CCDC91: variants seen among roughly 807,000 people sequenced by gnomAD.
CCDC91 encodes coiled-coil domain-containing protein 91.
A neutral mutation model predicts 63.2 loss-of-function variants in CCDC91; 48 were observed. That is an observed-to-expected ratio of 0.76 (90% CI 0.60 to 0.97). The LOEUF (loss-of-function observed/expected upper bound fraction) is 0.97, where lower values mean the gene tolerates loss of function less well. Ranked by LOEUF, CCDC91 falls within the 50% of genes least tolerant of loss-of-function variation. The pLI is 0.00. For missense variants in CCDC91, 500 were observed against 494.6 expected (o/e 1.01, Z -0.10); for synonymous variants, 167 against 165.8 (o/e 1.01, Z -0.06).
intron 8 of CCDC91, among the ~76,000 whole-genome samples, chr12:28,416,211 G>A (rs765596253): frequency 5.7e-4 from 86 of 152,166 alleles, no homozygotes; most frequent in Admixed American, 9.8e-4. Flanking sequence ...GTCAGTAAGT[G>A]TTATATCCCC....
intron 8 of CCDC91, among the ~76,000 whole-genome samples, chr12:28,408,328 G>A (rs566836680): frequency 5.3e-5 from 8 of 152,126 alleles, no homozygotes; most frequent in South Asian, 2.1e-4. Context: ...TTGTTTTTAC[G>A]GCTGCATAGT....
chr12:28,389,493 A>G (rs1945806014), intron 7 of CCDC91, among the ~76,000 whole-genome samples: 2 of 152,140 alleles, frequency 1.3e-5, no homozygotes, highest in African/African-American at 4.8e-5. Context: ...TGACATTTCA[A>G]GGAGAATGAG....
intron 1 of CCDC91, among the ~76,000 whole-genome samples, chr12:28,200,985 G>A (rs1942217133): frequency 7.3e-6 from 1 of 137,750 alleles, no homozygotes; most frequent in African/African-American, 3.1e-5. Context: ...GGACGGGGCG[G>A]CTGGCCGGGC....
intron 6 of CCDC91, among the ~76,000 whole-genome samples, chr12:28,329,939 A>G (rs1440809924): frequency 3.9e-5 from 6 of 152,206 alleles, no homozygotes; most frequent in Non-Finnish European, 7.3e-5. Flanking sequence ...TGCAAAGGAC[A>G]TGGACTCATC....
intron 11 of CCDC91, among the ~76,000 whole-genome samples, chr12:28,452,985 C>T (rs1165051826): frequency 6.6e-6 from 1 of 151,832 alleles, no homozygotes; most frequent in Non-Finnish European, 1.5e-5. Context: ...CATAGAGACA[C>T]ATACGCACAC....
chr12:28,283,368 T>A (rs1264542352), intron 3 of CCDC91, among the ~76,000 whole-genome samples: 3 of 152,120 alleles, frequency 2.0e-5, no homozygotes, highest in Non-Finnish European at 4.4e-5. Context: ...CATTTGCTTG[T>A]ATCATCTATG....
chr12:28,247,396 C>T (rs528664879), intron 1 of CCDC91, among the ~76,000 whole-genome samples: 5 of 150,132 alleles, frequency 3.3e-5, no homozygotes, highest in East Asian at 2.0e-4. Context: ...AGGAGAATGG[C>T]GTGAACCCGG....
intron 8 of CCDC91, among the ~76,000 whole-genome samples, chr12:28,405,309 A>C (rs1946867419): frequency 6.6e-6 from 1 of 152,088 alleles, no homozygotes; most frequent in South Asian, 2.1e-4. Flanking sequence ...AAGTATTCCA[A>C]GTTTTTTTAT....
chr12:28,278,699 A>G (rs1467211366), intron 3 of CCDC91, among the ~76,000 whole-genome samples: 1 of 152,052 alleles, frequency 6.6e-6, no homozygotes, highest in Non-Finnish European at 1.5e-5. Context: ...CCCTAAACAC[A>G]TCCTGTGGTT....
At chr12:28,464,834 G>A (rs919569420) in intron 11 of CCDC91, among the ~76,000 whole-genome samples, 1 of 152,066 alleles carries the variant, frequency 6.6e-6, no homozygotes, top group Non-Finnish European at 1.5e-5. Flanking sequence ...GGGGACTTTG[G>A]CACCTCAGAT....
chr12:28,207,987 C>G (rs1276482453), intron 1 of CCDC91, among the ~76,000 whole-genome samples: 1 of 152,162 alleles, frequency 6.6e-6, no homozygotes, highest in Non-Finnish European at 1.5e-5. Context: ...GCATGAAAAT[C>G]TGGCAAAGTA....
intron 12 of CCDC91, among the ~76,000 whole-genome samples, chr12:28,488,161 A>G (rs1202963982): frequency 3.3e-5 from 5 of 151,954 alleles, no homozygotes; most frequent in African/African-American, 9.6e-5. Flanking sequence ...GAATTCTGAG[A>G]AAATTTTAAT....
At chr12:28,524,211 G>C (rs1941040467) in intron 12 of CCDC91, among the ~76,000 whole-genome samples, 1 of 152,078 alleles carries the variant, frequency 6.6e-6, no homozygotes, top group Non-Finnish European at 1.5e-5. Context: ...AGTTCTCAGA[G>C]GGAATGCTTT....
At chr12:28,407,973 A>C (rs1257742) in intron 8 of CCDC91, among the ~76,000 whole-genome samples, 8 of 127,700 alleles carry the variant, frequency 6.3e-5, no homozygotes, top group South Asian at 2.4e-4. Flanking sequence ...TATTTTTTTT[A>C]TTTTTTATTT....
chr12:28,540,978 AACTTTGAGATG>A (rs1942589382), intron 12 of CCDC91, among the ~76,000 whole-genome samples: 2 of 152,220 alleles, frequency 1.3e-5, no homozygotes, highest in South Asian at 4.1e-4. Flanking sequence ...TCCCCAGTTG[AACTTTGAGATG>A]ACTAGAGTCC....
chr12:28,191,927 G>C (rs1223870901), intron 1 of CCDC91, among the ~76,000 whole-genome samples: 1 of 152,100 alleles, frequency 6.6e-6, no homozygotes, highest in Non-Finnish European at 1.5e-5. Context: ...GGTGTTCTGT[G>C]GGCTGGGAAA....
At chr12:28,517,566 T>C (rs1485741684) in intron 12 of CCDC91, among the ~76,000 whole-genome samples, 1 of 151,960 alleles carries the variant, frequency 6.6e-6, no homozygotes, top group Non-Finnish European at 1.5e-5. Context: ...ATTCACACAA[T>C]AGAGTTTTAT....
At chr12:28,210,883 T>A (rs1396849910) in intron 1 of CCDC91, among the ~76,000 whole-genome samples, 10 of 151,802 alleles carry the variant, frequency 6.6e-5, no homozygotes, top group Admixed American at 1.3e-4. Context: ...TGCCAAATAG[T>A]TACAAAGTCA....
At chr12:28,293,262 C>T (rs118088419) in intron 3 of CCDC91, among the ~76,000 whole-genome samples, 9 of 152,188 alleles carry the variant, frequency 5.9e-5, no homozygotes, top group East Asian at 1.9e-4. Context: ...AAATAATCTT[C>T]GTAGCTTAAA....
Sources: gnomAD v4.1 joint callset for allele counts (sites outside exome capture counted in the v4.1 genomes callset) on GRCh38, gnomAD v4.1.1 for gene constraint, MANE v1.5 for transcripts, NCBI Gene and HGNC (gene_info 2026-07-23, HGNC 2026-07-21) for gene names.